Variants in ABTB2 observed in about 807,000 individuals in gnomAD.
ABTB2 encodes the protein ankyrin repeat and BTB/POZ domain-containing protein 2.
Under a neutral mutation model 104.1 loss-of-function variants are expected in ABTB2, and 56 were observed. That is an observed-to-expected ratio of 0.54 (90% confidence interval 0.43 to 0.67). ABTB2 has a LOEUF of 0.67. ABTB2 is among the 30% of genes least tolerant of loss of function. The pLI, the probability that ABTB2 is intolerant of heterozygous loss-of-function variation, is 0.00. For synonymous variants in ABTB2, 606 were observed against 608.2 expected, an observed-to-expected ratio of 1.00 and a Z score of 0.05; for missense variants, 1,279 against 1,407.7, an observed-to-expected ratio of 0.91 and a Z score of 1.46.
At chr11:34,317,903 A>T (rs1854957106) in intron 1 of ABTB2, among the ~76,000 whole-genome samples, 1 of 151,914 alleles carries the variant, frequency 6.6e-6, no homozygotes. Context: ...AATATTGAAC[A>T]CTTTACCTAA....
At chr11:34,338,168 A>C (rs963853315) in intron 1 of ABTB2, among the ~76,000 whole-genome samples, 1 of 151,406 alleles carries the variant, frequency 6.6e-6, no homozygotes, top group Non-Finnish European at 1.5e-5. Context: ...ATCACCTGAG[A>C]TCAGGAGTTC....
At chr11:34,210,279 T>A (rs1853465665) in intron 1 of ABTB2, among the ~76,000 whole-genome samples, 1 of 152,200 alleles carries the variant, frequency 6.6e-6, no homozygotes, top group African/African-American at 2.4e-5. Context: ...CTGACCCCTA[T>A]GTGTGCGACA....
At chr11:34,313,340 G>A (rs903292522) in intron 1 of ABTB2, among the ~76,000 whole-genome samples, 7 of 152,222 alleles carry the variant, frequency 4.6e-5, no homozygotes, top group Admixed American at 2.6e-4. Flanking sequence ...GAGCACCTCA[G>A]CTGTCTCCTG....
intron 5 of ABTB2, among the ~76,000 whole-genome samples, chr11:34,168,228 C>T (rs1022673141): frequency 1.3e-5 from 2 of 152,212 alleles, no homozygotes; most frequent in Non-Finnish European, 2.9e-5. Context: ...ACAGGCCGTG[C>T]AGCCAGGCTC....
At chr11:34,340,003 T>TA (rs1855242794) in intron 1 of ABTB2, among the ~76,000 whole-genome samples, 1 of 152,000 alleles carries the variant, frequency 6.6e-6, no homozygotes, top group Admixed American at 6.6e-5. Context: ...AGTCATGCTT[T>TA]ATGATAACTG....
chr11:34,223,432 T>C (rs1057335585), intron 1 of ABTB2, among the ~76,000 whole-genome samples: 1 of 152,206 alleles, frequency 6.6e-6, no homozygotes, highest in African/African-American at 2.4e-5. Flanking sequence ...GAGTCTCCCC[T>C]GCGCCACCCC....
At chr11:34,152,683 T>G in intron 16 of ABTB2, 99 bp from the exon 17 acceptor site, 2 of 1,207,282 alleles carry the variant, frequency 1.7e-6, no homozygotes, top group Non-Finnish European at 1.2e-6. Context: ...CAGCCCTGAT[T>G]AAGCCCCACT....
rs937916134 is a variant in ABTB2 at position 34,164,612 on chromosome 11, C to A, written c.1988+74G>T. On this transcript the variant is annotated intron_variant, in intron 9 of 16. Transcript: ENST00000435224. ...CCGGGCCTAGCTCTTTTGCTCCCAT[C>A]GGGGAAACTGAGGCTCCTGTGAGCT... 2.9e-6 allele frequency: 4 copies of A among 1,378,814 alleles called. No individual in the cohort carries two copies. In the East Asian group the frequency reaches 1.2e-4, roughly 42 times the overall value. 85.4% of individuals were successfully genotyped at this position (1,378,814 alleles called of 1,614,324 possible).
At chr11:34,274,482 C>T (rs550716170) in intron 1 of ABTB2, among the ~76,000 whole-genome samples, 1 of 151,962 alleles carries the variant, frequency 6.6e-6, no homozygotes, top group African/African-American at 2.4e-5. Flanking sequence ...TACTATGATT[C>T]TTTCAGTTGT....
chr11:34,266,175 T>C (rs376502653), intron 1 of ABTB2, among the ~76,000 whole-genome samples: 8 of 152,160 alleles, frequency 5.3e-5, no homozygotes, highest in African/African-American at 1.7e-4. Flanking sequence ...CTCAAACTCC[T>C]GCACTCAAGC....
In ABTB2 at chr11:34,180,825, G is replaced by GC. The variant is rs1853016993; in HGVS notation, c.1245-7519dup. On this transcript the variant is annotated intron_variant, in intron 3 of 16. Transcript: ENST00000435224. ...TTGTTCAATCCAAGGGTCTCCTAAG[G>GC]CCCCTCAATGGAACTAGGACTGAGA... 2.0e-5 allele frequency among the ~76,000 whole-genome samples: 3 copies of GC among 152,146 alleles called. No individual in the cohort carries two copies. In the South Asian group the frequency reaches 6.2e-4, roughly 32 times the overall value.
At chr11:34,177,703 C>A (rs779050715) in intron 3 of ABTB2, among the ~76,000 whole-genome samples, 2 of 152,022 alleles carry the variant, frequency 1.3e-5, no homozygotes, top group Non-Finnish European at 2.9e-5. Context: ...AAATTGCTGG[C>A]ACCACAGACA....
intron 3 of ABTB2, among the ~76,000 whole-genome samples, chr11:34,179,410 G>T (rs1323167915): frequency 6.6e-6 from 1 of 152,224 alleles, no homozygotes; most frequent in Non-Finnish European, 1.5e-5. Context: ...TGCTGTGGAA[G>T]ACCACAGCTG....
chr11:34,286,243 G>A (rs1263731075), intron 1 of ABTB2, among the ~76,000 whole-genome samples: 1 of 151,504 alleles, frequency 6.6e-6, no homozygotes, highest in Non-Finnish European at 1.5e-5. Context: ...GGATCGTTTG[G>A]AGCCAGGAGT....
At chr11:34,313,322 C>T (rs553888913) in intron 1 of ABTB2, among the ~76,000 whole-genome samples, 9 of 152,312 alleles carry the variant, frequency 5.9e-5, no homozygotes, top group African/African-American at 1.2e-4. Context: ...CCCATTGGGC[C>T]GGCTCCCGAG....
chr11:34,167,314 C>T lies in ABTB2; in HGVS notation c.1700G>A (p.Arg567Gln), dbSNP rs369400601. ...PRHPSIHPDS[R>Q]HWTSLTFAVL... ...AGCGAATGTCAGTGAGGTCCAGTGC[C>T]GGCTGTCGGGGTGGATGGAAGGGTG... Residue 567 changes from arginine to glutamine, a missense_variant, in exon 7 of 17, where the codon CGG becomes CAG. Transcript: ENST00000435224. The T allele has an allele frequency of 2.4e-5, 38 of 1,613,202 alleles. No homozygotes were observed. Among genetic ancestry groups the T allele is most frequent in the Admixed American group, 3.3e-5 (2 of 59,928 alleles).
intron 1 of ABTB2, among the ~76,000 whole-genome samples, chr11:34,219,270 CAGCCAGGCATGG>C (rs1853586573): frequency 6.6e-6 from 1 of 152,178 alleles, no homozygotes; most frequent in African/African-American, 2.4e-5. Context: ...GTTCTATCAC[CAGCCAGGCATGG>C]TGGCTCACAC....
chr11:34,228,578 C>T (rs1853717724), intron 1 of ABTB2, among the ~76,000 whole-genome samples: 1 of 151,920 alleles, frequency 6.6e-6, no homozygotes, highest in Non-Finnish European at 1.5e-5. Flanking sequence ...AGAGATTTCA[C>T]CATGTTGGCC....
Position 34,197,408 on chromosome 11 carries a change from G to C in ABTB2, c.1161C>G (p.Leu387=). 1 of 1,611,418 alleles carries C rather than the reference G, an allele frequency of 6.2e-7. No homozygotes were observed. Among genetic ancestry groups the C allele is most frequent in the Non-Finnish European group, 8.5e-7 (1 of 1,177,996 alleles). The change falls in exon 3 of 17, where the codon CTC becomes CTG. Residue 387 remains leucine, a synonymous_variant. Coordinates refer to ENST00000435224, the MANE Select transcript of ABTB2 (RefSeq NM_145804.3). The part of the protein sequence containing the change: ...ITWSPDALHT[L]YYFLRCPQME... ...TCTGTGGACACCGCAGAAAGTAGTA[G>C]AGCGTGTGGAGGGCGTCGGGGGACC...
Sources: allele counts gnomAD v4.1 joint callset (sites outside exome capture counted in the v4.1 genomes callset), GRCh38; gene constraint gnomAD v4.1.1; transcripts MANE v1.5; gene names NCBI Gene and HGNC (gene_info 2026-07-23, HGNC 2026-07-21).